TCERG1L: variants seen among roughly 807,000 people sequenced by gnomAD.
TCERG1L encodes transcription elongation regulator 1-like protein.
A neutral mutation model predicts 56.3 loss-of-function variants in TCERG1L; 37 were observed. That is an observed-to-expected ratio of 0.66 (90% CI 0.51 to 0.87). The LOEUF is 0.87. TCERG1L is among the 40% of genes least tolerant of loss of function. TCERG1L has a pLI of 0.00. For synonymous variants in TCERG1L, 324 were observed against 326.3 expected, an observed-to-expected ratio of 0.99 and a Z score of 0.08; for missense variants, 799 against 774.2, an observed-to-expected ratio of 1.03 and a Z score of -0.38.
chr10:131,180,423 T>C (rs2133451660), intron 4 of TCERG1L, among the ~76,000 whole-genome samples: 1 of 152,360 alleles, frequency 6.6e-6, no homozygotes, highest in Non-Finnish European at 1.5e-5. Context: ...ACAACATATA[T>C]AGGATATTAC....
intron 4 of TCERG1L, among the ~76,000 whole-genome samples, chr10:131,187,855 A>C (rs1845262868): frequency 6.6e-6 from 1 of 152,200 alleles, no homozygotes; most frequent in Admixed American, 6.5e-5. Context: ...GAAAGAAAAG[A>C]AAAGCATCCT....
intron 4 of TCERG1L, among the ~76,000 whole-genome samples, chr10:131,241,564 G>A (rs978614365): frequency 1.3e-5 from 2 of 150,270 alleles, no homozygotes; most frequent in Non-Finnish European, 3.0e-5. Flanking sequence ...CATAAGAGAG[G>A]ACATGCATGA....
intron 5 of TCERG1L, among the ~76,000 whole-genome samples, chr10:131,163,832 A>G (rs892502643): frequency 6.6e-6 from 1 of 152,182 alleles, no homozygotes; most frequent in Non-Finnish European, 1.5e-5. Flanking sequence ...CCATTAAGAA[A>G]TAAGAATGTT....
intron 4 of TCERG1L, among the ~76,000 whole-genome samples, chr10:131,186,303 G>A (rs1845245143): frequency 6.6e-6 from 1 of 152,152 alleles, no homozygotes; most frequent in African/African-American, 2.4e-5. Context: ...TGAGCAACAT[G>A]GTAATTGCGC....
At chr10:131,176,151 T>C (rs1846145352) in intron 4 of TCERG1L, among the ~76,000 whole-genome samples, 1 of 152,130 alleles carries the variant, frequency 6.6e-6, no homozygotes, top group Non-Finnish European at 1.5e-5. Flanking sequence ...ACAGCTGGGC[T>C]CAAGACTGCT....
chr10:131,265,272 C>T (rs1404129293), intron 3 of TCERG1L, among the ~76,000 whole-genome samples: 1 of 152,160 alleles, frequency 6.6e-6, no homozygotes, highest in Non-Finnish European at 1.5e-5. Context: ...AATAAGGAAA[C>T]TTTCTTATCT....
intron 4 of TCERG1L, among the ~76,000 whole-genome samples, chr10:131,254,143 C>G (rs1846143908): frequency 6.6e-6 from 1 of 151,854 alleles, no homozygotes; most frequent in African/African-American, 2.4e-5. Flanking sequence ...CCCGGGGCAG[C>G]CCTGGCCTCA....
intron 3 of TCERG1L, among the ~76,000 whole-genome samples, chr10:131,308,007 A>G (rs1846833310): frequency 6.6e-6 from 1 of 152,170 alleles, no homozygotes; most frequent in Admixed American, 6.5e-5. Context: ...ATCAGATCTC[A>G]TATCCACCCA....
chr10:131,304,978 A>T (rs1003004636), intron 3 of TCERG1L, among the ~76,000 whole-genome samples: 1 of 152,060 alleles, frequency 6.6e-6, no homozygotes, highest in Non-Finnish European at 1.5e-5. Flanking sequence ...GCTACTTGGA[A>T]TTGCCTGATT....
chr10:131,105,889 T>A (rs892203338), intron 9 of TCERG1L, among the ~76,000 whole-genome samples: 3 of 152,212 alleles, frequency 2.0e-5, no homozygotes, highest in Non-Finnish European at 4.4e-5. Context: ...CGTGGTGGGT[T>A]CCCGGCTCCT....
rs140533955 is a variant in TCERG1L, at chr10:131,166,856, G to A, written c.886C>T (p.Arg296Cys). 1,915 of 1,613,266 alleles carry A rather than the reference G, an allele frequency of 1.2e-3. 34 individuals carry two copies. In the South Asian group the frequency reaches 0.015, roughly 13 times the overall value. Reference sequence around the variant, plus strand: ...GCCCGCAGCATCAGGGCAGGAGGGCGGGCCACTCGGCCCCGCTCTGTCCTT... The same window carrying A: ...GCCCGCAGCATCAGGGCAGGAGGGCAGGCCACTCGGCCCCGCTCTGTCCTT... ...DTRTERGRVA[R>C]PPALMLRAQK... The change falls in exon 5 of 12, where the codon CGC (arginine) becomes TGC (cysteine). Residue 296 changes from arginine to cysteine, a missense_variant. Physicochemically the swap from Arg to Cys is radical, Grantham distance 180. Transcript: ENST00000368642.
At chr10:131,291,976 T>C (rs1339963828) in intron 3 of TCERG1L, among the ~76,000 whole-genome samples, 1 of 152,250 alleles carries the variant, frequency 6.6e-6, no homozygotes, top group Non-Finnish European at 1.5e-5. Context: ...AAATATATTA[T>C]TTTCATATGC....
chr10:131,116,689 G>T, intron 9 of TCERG1L, 110 bp downstream of exon 9: 1 of 1,417,078 alleles, frequency 7.1e-7, no homozygotes, highest in Non-Finnish European at 9.6e-7. Context: ...CAGTCACTCA[G>T]CCTGATCATG....
At chr10:131,310,689 C>G (rs1846878408) in intron 1 of TCERG1L, among the ~76,000 whole-genome samples, 1 of 152,166 alleles carries the variant, frequency 6.6e-6, no homozygotes, top group African/African-American at 2.4e-5. Context: ...GTGGCATTAG[C>G]GAATGTGGTG....
chr10:131,223,701 C>A (rs891794394), intron 4 of TCERG1L, among the ~76,000 whole-genome samples: 3 of 152,138 alleles, frequency 2.0e-5, no homozygotes, highest in African/African-American at 7.2e-5. Flanking sequence ...TACAGACACA[C>A]ACACATGCTC....
At chr10:131,252,044 A>G (rs1190927367) in intron 4 of TCERG1L, among the ~76,000 whole-genome samples, 1 of 152,218 alleles carries the variant, frequency 6.6e-6, no homozygotes, top group East Asian at 1.9e-4. Context: ...TTCACTGACC[A>G]TCGTGTCCTC....
intron 7 of TCERG1L, among the ~76,000 whole-genome samples, chr10:131,140,201 C>A (rs1347540759): frequency 2.6e-5 from 4 of 152,176 alleles, no homozygotes; most frequent in African/African-American, 9.7e-5. Flanking sequence ...AGTTTTGGTA[C>A]CTGTGGGTGC....
chr10:131,291,859 T>C (rs144400856), intron 3 of TCERG1L, among the ~76,000 whole-genome samples: 1 of 152,326 alleles, frequency 6.6e-6, no homozygotes, highest in African/African-American at 2.4e-5. Flanking sequence ...TTATGATCCA[T>C]CTACCTGTGT....
chr10:131,274,985 T>G (rs1479661323), intron 3 of TCERG1L, among the ~76,000 whole-genome samples: 1 of 152,028 alleles, frequency 6.6e-6, no homozygotes, highest in Non-Finnish European at 1.5e-5. Flanking sequence ...AGGCCCCACA[T>G]TATATGACTG....
Sources: allele counts gnomAD v4.1 joint callset (sites outside exome capture counted in the v4.1 genomes callset), GRCh38; gene constraint gnomAD v4.1.1; transcripts MANE v1.5; gene names NCBI Gene and HGNC (gene_info 2026-07-23, HGNC 2026-07-21).